PIP5K1C: variants seen among roughly 807,000 people sequenced by gnomAD.
PIP5K1C encodes phosphatidylinositol 4-phosphate 5-kinase type-1 gamma.
In PIP5K1C, 45 loss-of-function variants were observed where a neutral mutation model predicts 80.1. The ratio of observed to expected loss-of-function variants is 0.56; its 90% CI spans 0.44 to 0.72. PIP5K1C has a LOEUF of 0.72. Among genes scored for constraint, PIP5K1C ranks in the 30% least tolerant of loss-of-function variants. The pLI is 0.00. For synonymous variants in PIP5K1C, 498 were observed against 420.1 expected (o/e 1.19, Z -2.27); for missense variants, 753 against 954.6 (o/e 0.79, Z 2.78).
At chr19:3,678,844 G>A (rs1204234930) in intron 1 of PIP5K1C, among the ~76,000 whole-genome samples, 4 of 143,284 alleles carry the variant, frequency 2.8e-5, no homozygotes, top group African/African-American at 1.0e-4. Context: ...ATGGATGGAG[G>A]GAGGGATGGA....
chr19:3,689,059 C>T (rs2035865218), intron 1 of PIP5K1C, among the ~76,000 whole-genome samples: 2 of 152,250 alleles, frequency 1.3e-5, no homozygotes, highest in Non-Finnish European at 2.9e-5. Context: ...CACTCTGTCG[C>T]CCAGGCTGGA....
At chr19:3,656,288 CCT>C (rs2034630001) in intron 6 of PIP5K1C, 115 bp downstream of exon 6, 17 of 1,152,222 alleles carry the variant, frequency 1.5e-5, no homozygotes, top group Non-Finnish European at 2.2e-5. Context: ...ACCCAAGATG[CCT>C]CTCACCACGC....
intron 1 of PIP5K1C, among the ~76,000 whole-genome samples, chr19:3,691,294 T>G (rs1467100972): frequency 6.6e-6 from 1 of 152,204 alleles, no homozygotes. Flanking sequence ...GTGCTGATGC[T>G]GCGTTTTGTT....
At chr19:3,636,375 C>T in intron 16 of PIP5K1C, 1 of 985,278 alleles carries the variant, frequency 1.0e-6, no homozygotes, top group Non-Finnish European at 1.2e-6. Flanking sequence ...GGCTGCCCTG[C>T]CTCCCTTCTG....
intron 1 of PIP5K1C, among the ~76,000 whole-genome samples, chr19:3,678,313 G>GAGA (rs2035460501): frequency 7.1e-6 from 1 of 140,680 alleles, no homozygotes; most frequent in Non-Finnish European, 1.6e-5. Context: ...GGGACGGAGG[G>GAGA]ATGGAGGGAC....
chr19:3,679,052 C>G (rs865826592), intron 1 of PIP5K1C, among the ~76,000 whole-genome samples: 2 of 151,934 alleles, frequency 1.3e-5, no homozygotes. Context: ...TTGCAAGACC[C>G]AGGCGGTAAG....
In PIP5K1C at chr19:3,638,950, G is replaced by A. The variant is rs139613589; in HGVS notation, c.1854C>T (p.Asp618=). 78 of 1,612,366 alleles carry A rather than the reference G, an allele frequency of 4.8e-5. No individual in the cohort carries two copies. Among genetic ancestry groups the A allele is most frequent in the African/African-American group, 1.6e-4 (12 of 74,984 alleles). ...CCTGGCTGGCAGGTGCGCCCTCCTC[G>A]TCTGAGGCCTGGCTGGCAGTTTCTA... ...VEVETASQAS[D]EEGAPASQAS... is the part of the protein sequence containing the mutation. Residue 618 remains aspartate (D), a synonymous_variant, in exon 16 of 18, where the codon GAC becomes GAT. Coordinates refer to ENST00000335312, the MANE Select transcript of PIP5K1C (RefSeq NM_012398.3).
At chr19:3,640,404 T>C (rs1021062718) in intron 15 of PIP5K1C, among the ~76,000 whole-genome samples, 3 of 152,028 alleles carry the variant, frequency 2.0e-5, no homozygotes, top group African/African-American at 7.2e-5. Flanking sequence ...TAATCCCAGC[T>C]ACTCGGGAGG....
chr19:3,675,853 C>A (rs1215698870), intron 1 of PIP5K1C, among the ~76,000 whole-genome samples: 1 of 152,234 alleles, frequency 6.6e-6, no homozygotes, highest in Non-Finnish European at 1.5e-5. Context: ...CACCCCCCAG[C>A]TGTAACAACC....
Position 3,688,316 on chromosome 19 carries a change from G to A in PIP5K1C, c.94+11981C>T, listed in dbSNP as rs1315207877. Reference sequence around the variant, plus strand: ...TCCTTCCAGAGCCTGAGGTTAGGCCGTGGTGGGAAACAGAGCGGGGTGCCG... The same window carrying A: ...TCCTTCCAGAGCCTGAGGTTAGGCCATGGTGGGAAACAGAGCGGGGTGCCG... On this transcript the variant is annotated intron_variant, in intron 1 of 17. Coordinates refer to ENST00000335312, the MANE Select transcript of PIP5K1C (RefSeq NM_012398.3). This position sits in a 1 kb window ranked among gnomAD's most constrained non-coding sequence, Gnocchi z 5.3. Among the ~76,000 whole-genome samples, 2 of 152,232 alleles carry A rather than the reference G, an allele frequency of 1.3e-5. No individual in the cohort carries two copies. The highest frequency in any genetic ancestry group is 1.5e-5 in the Non-Finnish European group (1 of 68,034).
chr19:3,639,315 A>C (rs917404895), intron 15 of PIP5K1C, among the ~76,000 whole-genome samples: 1 of 151,756 alleles, frequency 6.6e-6, no homozygotes, highest in Non-Finnish European at 1.5e-5. Flanking sequence ...TGCTGGCCTC[A>C]CCCTCACCGG....
chr19:3,685,387 A>C (rs1375931901), intron 1 of PIP5K1C, among the ~76,000 whole-genome samples: 6 of 152,208 alleles, frequency 3.9e-5, no homozygotes, highest in Admixed American at 1.3e-4. Context: ...GACTGTCTAA[A>C]GCAGGGGCTG....
intron 7 of PIP5K1C, among the ~76,000 whole-genome samples, chr19:3,652,489 G>A (rs1448651378): frequency 6.6e-6 from 1 of 152,202 alleles, no homozygotes; most frequent in African/African-American, 2.4e-5. Flanking sequence ...AAGGGGTCGG[G>A]GAGCTGGGGA....
At position 3,653,477 on chromosome 19, in the gene PIP5K1C, A is replaced by G; in HGVS notation, c.734T>C (p.Val245Ala). The change falls in exon 7 of 18, where the codon GTG (valine) becomes GCG (alanine). Residue 245 changes from valine to alanine, a missense_variant. Val to Ala is a moderately conservative substitution (Grantham distance 64). Transcript: ENST00000335312. The part of the protein sequence containing the change: ...VVVMNNILPR[V>A]VKMHLKFDLK... ...GTCGAACTTGAGGTGCATCTTGACC[A>G]CGCGGGGCAGGATGTTGTTCATGAC... is the stretch of plus-strand genomic sequence containing the variant. The G allele has an allele frequency of 1.2e-6, 2 of 1,613,828 alleles. No individual in the cohort carries two copies. Among genetic ancestry groups the G allele is most frequent in the South Asian group, 2.2e-5 (2 of 91,084 alleles).
At chr19:3,642,858 TG>T in intron 14 of PIP5K1C, 48 bp downstream of exon 14, 1 of 1,510,662 alleles carries the variant, frequency 6.6e-7, no homozygotes, top group African/African-American at 1.4e-5. Context: ...CTGGGAGCTG[TG>T]CAGGAGGAGC....
chr19:3,675,579 C>G (rs1475209405), intron 1 of PIP5K1C, among the ~76,000 whole-genome samples: 1 of 152,200 alleles, frequency 6.6e-6, no homozygotes, highest in Non-Finnish European at 1.5e-5. Flanking sequence ...AGCTTCTGCT[C>G]CTCTCTGGTA....
chr19:3,655,270 T>C (rs1164351900), intron 6 of PIP5K1C, among the ~76,000 whole-genome samples: 1 of 151,172 alleles, frequency 6.6e-6, no homozygotes, highest in East Asian at 1.9e-4. Flanking sequence ...TATAAAAAAA[T>C]AGCCAGGCGT....
chr19:3,632,700 G>A lies in PIP5K1C; in HGVS notation c.*467C>T, dbSNP rs187488839. On this transcript the variant is annotated 3_prime_UTR_variant, in exon 18 of 18. Transcript: ENST00000335312. ...GGAGGCAGAGTTGCTCGGGACCCCA[G>A]CCGTCCCCTCTGCAGGCCGATGGGG... The A allele has an allele frequency of 4.1e-3, 675 of 165,080 alleles. 2 individuals carry two copies. Among genetic ancestry groups the A allele is most frequent in the African/African-American group, 0.015 (647 of 41,846 alleles). The allele number at this position is 165,080 out of a possible 1,614,324, so 10.2% of individuals were successfully genotyped here.
intron 1 of PIP5K1C, among the ~76,000 whole-genome samples, chr19:3,670,308 T>C (rs545891315): frequency 3.8e-4 from 58 of 152,296 alleles, no homozygotes; most frequent in African/African-American, 1.3e-3. Context: ...GCTGATGTCA[T>C]TGGGTAAGAT....
Sources: gnomAD v4.1 joint callset for allele counts (sites outside exome capture counted in the v4.1 genomes callset) on GRCh38, gnomAD v4.1.1 for gene constraint, Gnocchi (gnomAD v3.1) non-coding constraint, MANE v1.5 for transcripts, NCBI Gene and HGNC (gene_info 2026-07-23, HGNC 2026-07-21) for gene names.